ATP10B: variants seen among roughly 807,000 people sequenced by gnomAD.
ATP10B encodes the protein ATPase phospholipid transporting 10B (putative), also known as phospholipid-transporting ATPase VB.
Under a neutral mutation model 141.2 loss-of-function variants are expected in ATP10B, and 122 were observed. The observed-to-expected ratio is 0.86, with a 90% CI of 0.75 to 1.00. The LOEUF (loss-of-function observed/expected upper bound fraction) is 1.00, where lower values mean the gene tolerates loss of function less well. Ranked by LOEUF, ATP10B falls within the 50% of genes least tolerant of loss-of-function variation. The pLI, the probability that ATP10B is intolerant of heterozygous loss-of-function variation, is 0.00. For missense variants in ATP10B, 1,876 were observed against 1,825.3 expected (o/e 1.03, Z -0.51); for synonymous variants, 685 against 692.0 (o/e 0.99, Z 0.16).
At chr5:160,715,067 T>G (rs1361208953) in intron 3 of ATP10B, among the ~76,000 whole-genome samples, 36 of 140,106 alleles carry the variant, frequency 2.6e-4, no homozygotes, top group African/African-American at 8.8e-4. Flanking sequence ...GCTGTCTTTT[T>G]GTTTGTCTGT....
chr5:160,784,087 G>A (rs1770957475), intron 2 of ATP10B, among the ~76,000 whole-genome samples: 1 of 152,114 alleles, frequency 6.6e-6, no homozygotes, highest in South Asian at 2.1e-4. Flanking sequence ...CCCAAGTGGT[G>A]TGGATCTTTG....
At chr5:160,606,625 C>T in intron 19 of ATP10B, 140 bp downstream of exon 19, 1 of 828,452 alleles carries the variant, frequency 1.2e-6, no homozygotes, top group Non-Finnish European at 1.9e-6. Context: ...TCTTGATTGT[C>T]ATTTTGAACT....
chr5:160,873,447 A>C, the ATP10B span, among the ~76,000 whole-genome samples: 1 of 152,258 alleles, frequency 6.6e-6, no homozygotes, highest in Non-Finnish European at 1.5e-5. Context: ...AAAGAAATAT[A>C]ATAGTATTTG....
intron 6 of ATP10B, among the ~76,000 whole-genome samples, chr5:160,671,808 G>T (rs1762721491): frequency 6.6e-6 from 1 of 151,858 alleles, no homozygotes; most frequent in African/African-American, 2.4e-5. Context: ...GGGGTCAAAA[G>T]AAATTTTTCA....
At chr5:160,661,658 AG>A (rs1186869757) in intron 7 of ATP10B, among the ~76,000 whole-genome samples, 2 of 152,210 alleles carry the variant, frequency 1.3e-5, no homozygotes, top group African/African-American at 4.8e-5. Flanking sequence ...ACTAATAATA[AG>A]AGCTATCTAT....
chr5:160,778,254 T>C (rs1391171105), intron 2 of ATP10B, among the ~76,000 whole-genome samples: 1 of 152,216 alleles, frequency 6.6e-6, no homozygotes, highest in African/African-American at 2.4e-5. Context: ...ATCTGAACTT[T>C]CCTCATTCAC....
At chr5:160,728,741 G>T (rs930677591) in intron 2 of ATP10B, among the ~76,000 whole-genome samples, 1 of 152,016 alleles carries the variant, frequency 6.6e-6, no homozygotes, top group East Asian at 2.0e-4. Flanking sequence ...AGACCTTAGG[G>T]TGGTCTTATG....
chr5:160,802,409 C>A (rs749499237), intron 1 of ATP10B, among the ~76,000 whole-genome samples: 4 of 152,190 alleles, frequency 2.6e-5, no homozygotes, highest in Non-Finnish European at 4.4e-5. Flanking sequence ...GCAATTTTGT[C>A]CCCCAGAGGA....
intron 1 of ATP10B, among the ~76,000 whole-genome samples, chr5:160,828,178 A>G (rs1027936422): frequency 6.6e-6 from 1 of 152,140 alleles, no homozygotes; most frequent in Admixed American, 6.5e-5. Context: ...AAACACCAAA[A>G]GCAATGGCAA....
chr5:160,919,528 T>A, the ATP10B span, among the ~76,000 whole-genome samples: 1 of 152,172 alleles, frequency 6.6e-6, no homozygotes, highest in Non-Finnish European at 1.5e-5. Context: ...AGAATGTTGG[T>A]ACTCATTTTC....
At chr5:160,625,000 C>T (rs1316135531) in intron 13 of ATP10B, among the ~76,000 whole-genome samples, 2 of 152,194 alleles carry the variant, frequency 1.3e-5, no homozygotes, top group Non-Finnish European at 2.9e-5. Context: ...AATGACAGCT[C>T]GTATTCATGT....
intron 2 of ATP10B, among the ~76,000 whole-genome samples, chr5:160,779,487 G>A (rs1452540986): frequency 6.6e-6 from 1 of 152,176 alleles, no homozygotes; most frequent in African/African-American, 2.4e-5. Flanking sequence ...AAGAAACTGA[G>A]GGAAATCTCT....
intron 1 of ATP10B, among the ~76,000 whole-genome samples, chr5:160,805,107 T>C (rs1772684885): frequency 6.6e-6 from 1 of 152,240 alleles, no homozygotes. Context: ...AGAATAGTGC[T>C]TGGCACATTG....
intron 3 of ATP10B, among the ~76,000 whole-genome samples, chr5:160,701,300 C>A (rs1764655176): frequency 2.0e-5 from 3 of 152,162 alleles, no homozygotes; most frequent in African/African-American, 7.2e-5. Flanking sequence ...CACAGACTTT[C>A]TTCCCAGCCC....
At chr5:160,575,462 T>C (rs1216837571) in intron 24 of ATP10B, among the ~76,000 whole-genome samples, 1 of 152,202 alleles carries the variant, frequency 6.6e-6, no homozygotes, top group Non-Finnish European at 1.5e-5. Context: ...GCTCATTTTG[T>C]ATTTGTCTGA....
intron 6 of ATP10B, among the ~76,000 whole-genome samples, chr5:160,684,657 ATCC>A: frequency 6.6e-6 from 1 of 152,314 alleles, no homozygotes; most frequent in South Asian, 2.1e-4. Context: ...GACTGACTCA[ATCC>A]TCCTTTTTTC....
chr5:160,628,893 CA>C (rs1303134688), intron 13 of ATP10B, among the ~76,000 whole-genome samples: 3 of 151,902 alleles, frequency 2.0e-5, no homozygotes, highest in African/African-American at 7.2e-5. Flanking sequence ...GATTTTATTG[CA>C]GGCAATTAGG....
intron 13 of ATP10B, among the ~76,000 whole-genome samples, chr5:160,627,325 T>C (rs1758662764): frequency 1.3e-5 from 2 of 152,212 alleles, no homozygotes; most frequent in African/African-American, 4.8e-5. Context: ...TTTTGCCCCT[T>C]CATTGAGCTG....
At chr5:160,693,623 C>A (rs1480722680) in intron 3 of ATP10B, among the ~76,000 whole-genome samples, 1 of 152,156 alleles carries the variant, frequency 6.6e-6, no homozygotes. Context: ...GAGCAGAGGT[C>A]TTCAACCTTT....
Sources: allele counts gnomAD v4.1 joint callset (sites outside exome capture counted in the v4.1 genomes callset), GRCh38; gene constraint gnomAD v4.1.1; transcripts MANE v1.5; gene names NCBI Gene and HGNC (gene_info 2026-07-23, HGNC 2026-07-21).